TMED3: variants seen among roughly 807,000 people sequenced by gnomAD.
TMED3 encodes transmembrane emp24 domain-containing protein 3.
In TMED3, 9 loss-of-function variants were observed where a neutral mutation model predicts 15.0. The ratio of observed to expected loss-of-function variants is 0.60; its 90% CI spans 0.36 to 1.04. The LOEUF is 1.04. Among genes scored for constraint, TMED3 ranks in the 50% least tolerant of loss-of-function variants. The pLI, the probability that TMED3 is intolerant of heterozygous loss-of-function variation, is 0.01. For missense variants in TMED3, 267 were observed against 278.9 expected, an observed-to-expected ratio of 0.96 and a Z score of 0.30; for synonymous variants, 117 against 121.4, an observed-to-expected ratio of 0.96 and a Z score of 0.24.
At chr15:79,340,749 C>T (rs989504311) in intron 2 of TMED3, among the ~76,000 whole-genome samples, 1 of 152,206 alleles carries the variant, frequency 6.6e-6, no homozygotes, top group Non-Finnish European at 1.5e-5. Flanking sequence ...ATAAGCCAAA[C>T]TACTGCCCAG....
At chr15:79,358,589 G>A (rs1893061733) in intron 2 of TMED3, among the ~76,000 whole-genome samples, 1 of 152,190 alleles carries the variant, frequency 6.6e-6, no homozygotes, top group Non-Finnish European at 1.5e-5. Context: ...GTTAACAGAA[G>A]CATCCCTCAG....
chr15:79,380,176 A>G (rs1345163981), intron 2 of TMED3, among the ~76,000 whole-genome samples: 1 of 151,656 alleles, frequency 6.6e-6, no homozygotes, highest in Non-Finnish European at 1.5e-5. Context: ...CATGGTGAAA[A>G]CCTGTCTGTA....
chr15:79,406,858 G>C (rs961696292), intron 2 of TMED3, among the ~76,000 whole-genome samples: 1 of 152,144 alleles, frequency 6.6e-6, no homozygotes, highest in Non-Finnish European at 1.5e-5. Context: ...TCTCGTCTCT[G>C]ACCAAAGGGA....
intron 2 of TMED3, among the ~76,000 whole-genome samples, chr15:79,387,899 C>A (rs947715605): frequency 1.3e-5 from 2 of 152,020 alleles, no homozygotes; most frequent in East Asian, 1.9e-4. Context: ...TTGTTGCTGG[C>A]ATATAGAAGT....
At chr15:79,350,687 C>A (rs1054763684) in intron 2 of TMED3, among the ~76,000 whole-genome samples, 19 of 152,166 alleles carry the variant, frequency 1.2e-4, no homozygotes, top group Non-Finnish European at 2.2e-4. Flanking sequence ...TTTGGCAACA[C>A]CCTCACAGAC....
At chr15:79,329,700 A>C (rs2141222689) in intron 2 of TMED3, among the ~76,000 whole-genome samples, 1 of 152,306 alleles carries the variant, frequency 6.6e-6, no homozygotes, top group South Asian at 2.1e-4. Flanking sequence ...AGCAGACAGC[A>C]TGAGAGAGCT....
At chr15:79,367,651 C>T (rs978298293) in intron 2 of TMED3, among the ~76,000 whole-genome samples, 1 of 152,186 alleles carries the variant, frequency 6.6e-6, no homozygotes, top group African/African-American at 2.4e-5. Flanking sequence ...ACACTTACAT[C>T]TCCGAATATG....
At chr15:79,377,270 A>G (rs867276519) in intron 2 of TMED3, among the ~76,000 whole-genome samples, 10 of 145,484 alleles carry the variant, frequency 6.9e-5, no homozygotes, top group African/African-American at 1.8e-4. Flanking sequence ...GAGTGTGTGC[A>G]TGTGTGTGTG....
intron 2 of TMED3, among the ~76,000 whole-genome samples, chr15:79,405,269 T>C (rs577113385): frequency 6.6e-6 from 1 of 152,228 alleles, no homozygotes; most frequent in Non-Finnish European, 1.5e-5. Context: ...GAGCTGAAAC[T>C]CCCCTGTGGT....
exon 3 of TMED3, chr15:79,412,850 C>G (rs1057238198): frequency 3.3e-5 from 5 of 152,332 alleles, no homozygotes; most frequent in Non-Finnish European, 5.9e-5. Flanking sequence ...AGCACCTTGG[C>G]TGCACCCAGC....
At chr15:79,352,416 C>CA (rs1265273910) in intron 2 of TMED3, among the ~76,000 whole-genome samples, 4 of 151,988 alleles carry the variant, frequency 2.6e-5, no homozygotes, top group African/African-American at 9.7e-5. Flanking sequence ...AACTGCCCAG[C>CA]ACCAGAATGT....
intron 2 of TMED3, among the ~76,000 whole-genome samples, chr15:79,387,897 G>T (rs1213423122): frequency 6.6e-6 from 1 of 152,060 alleles, no homozygotes; most frequent in Non-Finnish European, 1.5e-5. Flanking sequence ...GTTTGTTGCT[G>T]GCATATAGAA....
At chr15:79,359,231 T>TA (rs1754813433) in intron 2 of TMED3, among the ~76,000 whole-genome samples, 1 of 8,882 alleles carries the variant, frequency 1.1e-4, no homozygotes, top group South Asian at 0.019. Flanking sequence ...GAAGGCTCAG[T>TA]TTTTTTTTTT....
At chr15:79,357,424 G>A (rs1003766257) in intron 2 of TMED3, among the ~76,000 whole-genome samples, 8 of 132,332 alleles carry the variant, frequency 6.0e-5, no homozygotes, top group Non-Finnish European at 9.1e-5. Flanking sequence ...GGTTGAGGCT[G>A]CAGTGAACTG....
intron 2 of TMED3, among the ~76,000 whole-genome samples, chr15:79,375,454 G>T (rs958918523): frequency 1.3e-5 from 2 of 152,090 alleles, no homozygotes; most frequent in African/African-American, 4.8e-5. Context: ...TTCTCACATT[G>T]CTATAAAGAA....
chr15:79,385,202 G>A (rs1893609122), intron 2 of TMED3, among the ~76,000 whole-genome samples: 1 of 152,188 alleles, frequency 6.6e-6, no homozygotes, highest in Admixed American at 6.5e-5. Flanking sequence ...ACAGAACTGT[G>A]TGGAGTCTTG....
intron 2 of TMED3, among the ~76,000 whole-genome samples, chr15:79,329,312 A>G (rs1383902821): frequency 6.6e-6 from 1 of 152,216 alleles, no homozygotes; most frequent in Non-Finnish European, 1.5e-5. Flanking sequence ...GGGATACAAC[A>G]AATGGATACA....
intron 2 of TMED3, among the ~76,000 whole-genome samples, chr15:79,331,786 A>G (rs974814817): frequency 3.9e-5 from 6 of 152,226 alleles, no homozygotes; most frequent in African/African-American, 1.2e-4. Flanking sequence ...TGGCCGACAA[A>G]ATATATGAAA....
At chr15:79,319,699 A>AG (rs1401885827) in intron 2 of TMED3, among the ~76,000 whole-genome samples, 1 of 152,166 alleles carries the variant, frequency 6.6e-6, no homozygotes, top group Admixed American at 6.5e-5. Context: ...TACAAGACAA[A>AG]GGGGCAGGCT....
Sources: allele counts gnomAD v4.1 joint callset (sites outside exome capture counted in the v4.1 genomes callset), GRCh38; gene constraint gnomAD v4.1.1; transcripts MANE v1.5; gene names NCBI Gene and HGNC (gene_info 2026-07-23, HGNC 2026-07-21).